CDIN1: variants seen among roughly 807,000 people sequenced by gnomAD.
CDIN1 encodes the protein CDAN1 interacting nuclease 1.
A neutral mutation model predicts 45.3 loss-of-function variants in CDIN1; 33 were observed. That is an observed-to-expected ratio of 0.73 (90% CI 0.55 to 0.97). CDIN1 has a LOEUF of 0.97. Among genes scored for constraint, CDIN1 ranks in the 50% least tolerant of loss-of-function variants. The pLI is 0.00. For missense variants in CDIN1, 303 were observed against 339.4 expected (o/e 0.89, Z 0.84); for synonymous variants, 118 against 124.4 (o/e 0.95, Z 0.34).
intron 8 of CDIN1, among the ~76,000 whole-genome samples, chr15:36,697,899 G>GA: frequency 1.3e-5 from 2 of 152,092 alleles, no homozygotes; most frequent in Admixed American, 1.3e-4. Context: ...TCATGTGTTT[G>GA]TGTATTACAG....
At position 36,809,176 on chromosome 15, in the gene CDIN1, T is replaced by C. The variant is rs530789626; in HGVS notation, c.*723T>C. 3.3e-6 allele frequency: 1 copy of C among 300,700 alleles called. No individual in the cohort carries two copies. Among genetic ancestry groups the C allele is most frequent in the Non-Finnish European group, 6.6e-6 (1 of 152,080 alleles). The allele number at this position is 300,700 out of a possible 1,614,324, so 18.6% of individuals were successfully genotyped here. ...ATTTTAGATTTATCTTATTTGAAAG[T>C]ATTAGTTCCATTGTGCCTGGAAACC... On this transcript the variant is annotated 3_prime_UTR_variant, in exon 11 of 11. Coordinates refer to ENST00000566621, the MANE Select transcript of CDIN1 (RefSeq NM_001321759.2).
At chr15:36,592,122 T>A (rs1474215864) in intron 1 of CDIN1, among the ~76,000 whole-genome samples, 2 of 152,178 alleles carry the variant, frequency 1.3e-5, no homozygotes, top group Non-Finnish European at 2.9e-5. Flanking sequence ...GTTTTAAATG[T>A]TGTCAATTTG....
At position 36,809,089 on chromosome 15, in the gene CDIN1, C is replaced by G; in HGVS notation, c.*636C>G. On this transcript the variant is annotated 3_prime_UTR_variant, in exon 11 of 11. Transcript: ENST00000566621. ...CTTCCTGACTTCTGTGACAGTAAGC[C>G]AAGTGCAAAAATACACTTGATGAGA... is the stretch of plus-strand genomic sequence containing the variant. 2.8e-6 allele frequency: 1 copy of G among 356,970 alleles called. No individual in the cohort carries two copies. Among genetic ancestry groups the G allele is most frequent in the Non-Finnish European group, 5.6e-6 (1 of 178,688 alleles). 22.1% of individuals were successfully genotyped at this position (356,970 alleles called of 1,614,324 possible).
At chr15:36,607,105 T>C (rs925675363) in intron 1 of CDIN1, among the ~76,000 whole-genome samples, 1 of 152,184 alleles carries the variant, frequency 6.6e-6, no homozygotes, top group Non-Finnish European at 1.5e-5. Flanking sequence ...TGTTAAAATT[T>C]TAAGTGTCAC....
intron 10 of CDIN1, among the ~76,000 whole-genome samples, chr15:36,730,364 A>G (rs1303187568): frequency 6.6e-6 from 1 of 152,174 alleles, no homozygotes; most frequent in Admixed American, 6.5e-5. Context: ...TAAGTGGTTT[A>G]TTCTAATTTT....
chr15:36,797,867 C>A (rs2054861704), intron 10 of CDIN1, among the ~76,000 whole-genome samples: 1 of 151,686 alleles, frequency 6.6e-6, no homozygotes, highest in Non-Finnish European at 1.5e-5. Context: ...GTAGTCCCAG[C>A]TCCTCAGGAG....
At chr15:36,747,513 A>G (rs1214859898) in intron 10 of CDIN1, among the ~76,000 whole-genome samples, 3 of 152,182 alleles carry the variant, frequency 2.0e-5, no homozygotes, top group Non-Finnish European at 2.9e-5. Flanking sequence ...ATTTATTAGA[A>G]TTAAGTGGTT....
intron 1 of CDIN1, among the ~76,000 whole-genome samples, chr15:36,593,312 G>T (rs6495856): frequency 0.59 from 90,186 of 151,964 alleles, 26,954 homozygotes; most frequent in Middle Eastern, 0.68. Context: ...CTGTTTTACT[G>T]TTTTGTCTCA....
chr15:36,613,778 G>A (rs1425198318), intron 1 of CDIN1: 3 of 1,601,746 alleles, frequency 1.9e-6, no homozygotes, highest in Non-Finnish European at 2.6e-6. Flanking sequence ...AAAAGATGAA[G>A]AAAAGATAGA....
intron 5 of CDIN1, among the ~76,000 whole-genome samples, chr15:36,666,618 T>G (rs74008744): frequency 0.02 from 3,103 of 152,312 alleles, 118 homozygotes; most frequent in African/African-American, 0.072. Context: ...AGATTTCCTT[T>G]TAGCCTAATT....
chr15:36,743,005 A>T (rs1441045670), intron 10 of CDIN1, among the ~76,000 whole-genome samples: 2 of 152,212 alleles, frequency 1.3e-5, no homozygotes, highest in African/African-American at 2.4e-5. Context: ...ACCTATTAAA[A>T]GGCAGACCAA....
intron 10 of CDIN1, among the ~76,000 whole-genome samples, chr15:36,803,993 A>T (rs576127026): frequency 6.6e-6 from 1 of 152,296 alleles, no homozygotes; most frequent in South Asian, 2.1e-4. Flanking sequence ...TCACTACCTC[A>T]TAGTGAGTGC....
intron 10 of CDIN1, among the ~76,000 whole-genome samples, chr15:36,805,060 T>C (rs1421352703): frequency 6.6e-6 from 1 of 152,150 alleles, no homozygotes; most frequent in Non-Finnish European, 1.5e-5. Context: ...GTGATGGCTC[T>C]TGGCTTTCAC....
chr15:36,591,233 T>A lies in CDIN1; in HGVS notation c.101+11272T>A, dbSNP rs183030694. On this transcript the variant is annotated intron_variant, in intron 1 of 10. Transcript: ENST00000566621. ...CACATGAAGTTAGACTGGCACTTTT[T>A]AAAAAAAATTTGTTTCTGTCTACAG... 7.1e-3 allele frequency among the ~76,000 whole-genome samples: 1,084 copies of A among 152,258 alleles called. 14 individuals carry two copies. The highest frequency in any genetic ancestry group is 0.024 in the African/African-American group (1,013 of 41,550).
chr15:36,582,909 A>T (rs548255543), intron 1 of CDIN1, among the ~76,000 whole-genome samples: 36 of 152,124 alleles, frequency 2.4e-4, no homozygotes, highest in Non-Finnish European at 2.8e-4. Context: ...TATAGGTTGT[A>T]CCTTTTTCCA....
chr15:36,747,858 A>G (rs1372072499), intron 10 of CDIN1, among the ~76,000 whole-genome samples: 1 of 152,166 alleles, frequency 6.6e-6, no homozygotes, highest in Non-Finnish European at 1.5e-5. Context: ...CTGACCTAAT[A>G]CAAGACCTGA....
At chr15:36,766,246 T>C (rs2053921024) in intron 10 of CDIN1, among the ~76,000 whole-genome samples, 1 of 152,252 alleles carries the variant, frequency 6.6e-6, no homozygotes, top group Non-Finnish European at 1.5e-5. Flanking sequence ...TTTTTCTTTT[T>C]TAAGCCTGAA....
chr15:36,700,890 A>T (rs1446290958), intron 8 of CDIN1, among the ~76,000 whole-genome samples: 1 of 151,942 alleles, frequency 6.6e-6, no homozygotes. Flanking sequence ...CCTGGGCAAT[A>T]TAGGGAGATC....
intron 7 of CDIN1, among the ~76,000 whole-genome samples, chr15:36,693,004 AAACATGTCCCTCCTGGT>A (rs1406511727): frequency 6.6e-6 from 1 of 152,168 alleles, no homozygotes; most frequent in Non-Finnish European, 1.5e-5. Context: ...TTAATAATAT[AAACATGTCCCTCCTGGT>A]ATGGATTTTG....
Sources: allele counts gnomAD v4.1 joint callset (sites outside exome capture counted in the v4.1 genomes callset), GRCh38; gene constraint gnomAD v4.1.1; transcripts MANE v1.5; gene names NCBI Gene and HGNC (gene_info 2026-07-23, HGNC 2026-07-21).